Variants in BAG4 observed in about 807,000 individuals in gnomAD.
BAG4 encodes the protein BAG family molecular chaperone regulator 4.
In BAG4, 28 loss-of-function variants were observed where a neutral mutation model predicts 52.1. The ratio of observed to expected loss-of-function variants is 0.54; its 90% confidence interval spans 0.40 to 0.74. The LOEUF (loss-of-function observed/expected upper bound fraction) is 0.74, where lower values mean the gene tolerates loss of function less well. BAG4 is among the 30% of genes least tolerant of loss of function. The probability of loss-of-function intolerance (pLI) is 0.00; values close to 1 mark genes in which losing one functional copy is unlikely to be tolerated. For synonymous variants in BAG4, 208 were observed against 217.0 expected, an observed-to-expected ratio of 0.96 and a Z score of 0.37; for missense variants, 525 against 572.0, an observed-to-expected ratio of 0.92 and a Z score of 0.84.
At chr8:38,198,816 A>G (rs1803612139) in intron 2 of BAG4, among the ~76,000 whole-genome samples, 1 of 152,064 alleles carries the variant, frequency 6.6e-6, no homozygotes, top group Non-Finnish European at 1.5e-5. Context: ...TGTTTGTGTT[A>G]AAAAGGGAGA....
chr8:38,183,036 C>CTTT (rs539995423), intron 1 of BAG4, among the ~76,000 whole-genome samples: 13 of 100,108 alleles, frequency 1.3e-4, no homozygotes, highest in Non-Finnish European at 1.7e-4. Flanking sequence ...ACTGACCCAT[C>CTTT]TTTTTTTTTT....
chr8:38,183,036 C>CTTTT (rs539995423), intron 1 of BAG4, among the ~76,000 whole-genome samples: 1 of 100,112 alleles, frequency 1.0e-5, no homozygotes, highest in Admixed American at 1.1e-4. Context: ...ACTGACCCAT[C>CTTTT]TTTTTTTTTT....
chr8:38,203,334 G>A (rs1443756404), intron 2 of BAG4, among the ~76,000 whole-genome samples: 1 of 147,370 alleles, frequency 6.8e-6, no homozygotes, highest in Non-Finnish European at 1.5e-5. Context: ...CCAGGCTGGA[G>A]TGCCATGGCA....
intron 1 of BAG4, among the ~76,000 whole-genome samples, chr8:38,190,137 T>C (rs1803448672): frequency 6.6e-6 from 1 of 152,150 alleles, no homozygotes; most frequent in African/African-American, 2.4e-5. Flanking sequence ...ACATTCACTA[T>C]CCCCCAGTTC....
intron 1 of BAG4, among the ~76,000 whole-genome samples, chr8:38,182,947 G>T (rs931614292): frequency 6.7e-6 from 1 of 149,782 alleles, no homozygotes; most frequent in Non-Finnish European, 1.5e-5. Flanking sequence ...TGTCTTTAGG[G>T]TATAGTTCTG....
Position 38,209,190 on chromosome 8 carries a change from A to G in BAG4, c.811A>G (p.Met271Val), listed in dbSNP as rs755361863. 5.0e-6 allele frequency: 8 copies of G among 1,614,164 alleles called. No individual in the cohort carries two copies. The highest frequency in any genetic ancestry group is 6.8e-6 in the Non-Finnish European group (8 of 1,180,038). ...CTCAGCACCACCCGGCAATCTCTACATGACTGAAAGTACTTCACCATGGCC... is the reference window on the plus strand; with the variant it reads ...CTCAGCACCACCCGGCAATCTCTACGTGACTGAAAGTACTTCACCATGGCC... ...APSAPPGNLYMTESTSPWPSS... is the reference protein window; with the variant it reads ...APSAPPGNLYVTESTSPWPSS... The change falls in exon 4 of 5, where the codon ATG (methionine) becomes GTG (valine). Residue 271 changes from methionine to valine, a missense_variant. This residue lies in a region of BAG4 where 238 missense variants were observed against 305.8 expected (regional missense o/e 0.78). Coordinates refer to ENST00000287322, the MANE Select transcript of BAG4 (RefSeq NM_004874.4).
At position 38,209,183 on chromosome 8, in the gene BAG4, T is replaced by G. The variant is rs1803826938; in HGVS notation, c.804T>G (p.Asn268Lys). Residue 268 changes from asparagine (N) to lysine (K), a missense_variant, in exon 4 of 5, where the codon AAT becomes AAG. Coordinates refer to ENST00000287322, the MANE Select transcript of BAG4 (RefSeq NM_004874.4). Reference protein sequence around the residue: ...PSSAPSAPPGNLYMTESTSPW... With the variant: ...PSSAPSAPPGKLYMTESTSPW... ...CAGCGCCCTCAGCACCACCCGGCAA[T>G]CTCTACATGACTGAAAGTACTTCAC... 1 of 1,614,000 alleles carries G rather than the reference T, an allele frequency of 6.2e-7. No homozygotes were observed. The highest frequency in any genetic ancestry group is 1.7e-5 in the Admixed American group (1 of 59,984).
chr8:38,196,824 C>T (rs1292152373), intron 2 of BAG4, among the ~76,000 whole-genome samples: 1 of 152,072 alleles, frequency 6.6e-6, no homozygotes, highest in Non-Finnish European at 1.5e-5. Flanking sequence ...CACCTGTAAT[C>T]CCAGCACTTT....
chr8:38,176,868 C>A lies in BAG4; in HGVS notation c.-2C>A. Reference sequence around the variant, plus strand: ...GGGAAGCGCTTCAGGGCAGCGGATCCCATGTCGGCCCTGAGGCGCTCGGGC... The same window carrying A: ...GGGAAGCGCTTCAGGGCAGCGGATCACATGTCGGCCCTGAGGCGCTCGGGC... On this transcript the variant is annotated 5_prime_UTR_variant, in exon 1 of 5. Coordinates refer to ENST00000287322, the MANE Select transcript of BAG4 (RefSeq NM_004874.4). 6.6e-7 allele frequency: 1 copy of A among 1,505,534 alleles called. No individual in the cohort carries two copies. Among genetic ancestry groups the A allele is most frequent in the South Asian group, 1.3e-5 (1 of 78,774 alleles). The allele number at this position is 1,505,534 out of a possible 1,614,324, so 93.3% of individuals were successfully genotyped here.
intron 1 of BAG4, among the ~76,000 whole-genome samples, chr8:38,181,915 A>AAAAAAAAAAG (rs1554506184): frequency 7.4e-6 from 1 of 134,632 alleles, no homozygotes; most frequent in Non-Finnish European, 1.6e-5. Context: ...AAAAAAAAAA[A>AAAAAAAAAAG]AGGAAGTAAG....
At chr8:38,182,775 T>G (rs990413982) in intron 1 of BAG4, among the ~76,000 whole-genome samples, 1 of 152,122 alleles carries the variant, frequency 6.6e-6, no homozygotes, top group Admixed American at 6.6e-5. Flanking sequence ...TTACTAGGGA[T>G]ATTTTTAGAT....
chr8:38,184,722 C>T (rs1563279646), intron 1 of BAG4, among the ~76,000 whole-genome samples: 1 of 152,074 alleles, frequency 6.6e-6, no homozygotes, highest in Non-Finnish European at 1.5e-5. Flanking sequence ...GTTGGCAGAA[C>T]CAGAAAGCAA....
At chr8:38,179,984 G>C (rs1235326696) in intron 1 of BAG4, among the ~76,000 whole-genome samples, 1 of 152,152 alleles carries the variant, frequency 6.6e-6, no homozygotes, top group Non-Finnish European at 1.5e-5. Context: ...GAGTTAGGGA[G>C]GGTTGGATAG....
At chr8:38,197,472 ATAT>A (rs1478705158) in intron 2 of BAG4, among the ~76,000 whole-genome samples, 1 of 152,192 alleles carries the variant, frequency 6.6e-6, no homozygotes, top group East Asian at 1.9e-4. Flanking sequence ...AGATAACAAA[ATAT>A]TATATCACAC....
At chr8:38,178,413 CT>C (rs1386941399) in intron 1 of BAG4, among the ~76,000 whole-genome samples, 1 of 152,216 alleles carries the variant, frequency 6.6e-6, no homozygotes, top group Non-Finnish European at 1.5e-5. Flanking sequence ...TCCCCTGCCC[CT>C]CGGCCTCCCG....
rs1233752099 is a variant in BAG4 at position 38,207,630 on chromosome 8, C to T, written c.497C>T (p.Ser166Phe). The T allele has an allele frequency of 2.5e-6, 4 of 1,614,058 alleles. No homozygotes were observed. The highest frequency in any genetic ancestry group is 3.4e-6 in the Non-Finnish European group (4 of 1,180,040). Reference sequence around the variant, plus strand: ...CCTGGTTATACTCAGACCAGTTACTCCACAGAAGTTCCAAGTACTTACCGT... The same window carrying T: ...CCTGGTTATACTCAGACCAGTTACTTCACAGAAGTTCCAAGTACTTACCGT... ...YAPGYTQTSY[S>F]TEVPSTYRSS... The change falls in exon 3 of 5, where the codon TCC becomes TTC. Residue 166 changes from serine (S) to phenylalanine (F), a missense_variant. This residue lies in a region of BAG4 where 287 missense variants were observed against 266.1 expected (regional missense o/e 1.08). Coordinates refer to ENST00000287322, the MANE Select transcript of BAG4 (RefSeq NM_004874.4).
intron 2 of BAG4, among the ~76,000 whole-genome samples, chr8:38,202,559 CT>C (rs577407833): frequency 1.7e-3 from 241 of 142,824 alleles, no homozygotes; most frequent in African/African-American, 2.3e-3. Context: ...GCTCGGCCCC[CT>C]TTTTTTTTTT....
chr8:38,199,554 C>T (rs1226185454), intron 2 of BAG4, among the ~76,000 whole-genome samples: 5 of 148,342 alleles, frequency 3.4e-5, no homozygotes, highest in East Asian at 2.0e-4. Flanking sequence ...GGCAGAGTCT[C>T]GCTCTGTCGC....
Position 38,192,785 on chromosome 8 carries a change from T to C in BAG4, c.368T>C (p.Leu123Ser), listed in dbSNP as rs749229656. 8.7e-6 allele frequency: 14 copies of C among 1,603,726 alleles called. No individual in the cohort carries two copies. In the Admixed American group the frequency reaches 1.4e-4, roughly 16 times the overall value. The change falls in exon 2 of 5, where the codon TTG becomes TCG. Residue 123 changes from leucine (L) to serine (S), a missense_variant. Leu to Ser is a moderately radical substitution (Grantham distance 145). This residue lies in a region of BAG4 where 287 missense variants were observed against 266.1 expected (regional missense o/e 1.08). Transcript: ENST00000287322. ...YPSTYPVRPE[L>S]QGQSLNSYTN... ...AGTACATATCCTGTAAGACCAGAAT[T>C]GCAAGGCCAGGTATGGTTTAAAAAC...
Sources: gnomAD v4.1 joint callset for allele counts (sites outside exome capture counted in the v4.1 genomes callset) on GRCh38, gnomAD v4.1.1 for gene constraint, gnomAD v4.1.1 regional missense constraint, MANE v1.5 for transcripts, NCBI Gene and HGNC (gene_info 2026-07-23, HGNC 2026-07-21) for gene names.